SHISA9: variants seen among roughly 807,000 people sequenced by gnomAD.
SHISA9 encodes protein shisa-9.
In SHISA9, 13 loss-of-function variants were observed where a neutral mutation model predicts 38.0. The ratio of observed to expected loss-of-function variants is 0.34; its 90% CI spans 0.22 to 0.54. The LOEUF is 0.54. Among genes scored for constraint, SHISA9 ranks in the 20% least tolerant of loss-of-function variants. The pLI is 0.91. For synonymous variants in SHISA9, 275 were observed against 242.0 expected, an observed-to-expected ratio of 1.14 and a Z score of -1.27; for missense variants, 538 against 575.8, an observed-to-expected ratio of 0.93 and a Z score of 0.67.
chr16:12,961,805 C>G (rs757879996), intron 2 of SHISA9, among the ~76,000 whole-genome samples: 1 of 152,166 alleles, frequency 6.6e-6, no homozygotes. Context: ...GAGTTCCTTG[C>G]GACAAGTCAG....
intron 2 of SHISA9, among the ~76,000 whole-genome samples, chr16:13,200,014 C>T (rs984536383): frequency 3.9e-5 from 6 of 152,162 alleles, no homozygotes; most frequent in African/African-American, 1.4e-4. Context: ...CAGCTCTCAA[C>T]CAATGACTAA....
intron 4 of SHISA9, among the ~76,000 whole-genome samples, chr16:13,219,749 G>A (rs1287571355): frequency 2.6e-5 from 4 of 152,136 alleles, no homozygotes; most frequent in Non-Finnish European, 5.9e-5. Context: ...CTGAGGTCAG[G>A]AATTCAAGAC....
intron 2 of SHISA9, among the ~76,000 whole-genome samples, chr16:13,024,687 C>T (rs971405737): frequency 6.6e-6 from 1 of 152,208 alleles, no homozygotes; most frequent in Non-Finnish European, 1.5e-5. Context: ...TATTTCACTT[C>T]TCTGAGCCTC....
rs1328902475 is a variant in SHISA9, at chr16:13,203,387, C to T, written c.692-7C>T. The T allele has an allele frequency of 3.3e-6, 5 of 1,523,092 alleles. No individual in the cohort carries two copies. Among genetic ancestry groups the T allele is most frequent in the Non-Finnish European group, 4.4e-6 (5 of 1,135,362 alleles). 94.3% of individuals were successfully genotyped at this position (1,523,092 alleles called of 1,614,324 possible). ...GTGACAATCTCCTTCTGTGTCTTCA[C>T]TTCCAGATGCCACCCAGATGAACAA... On this transcript the variant is annotated splice_region_variant and splice_polypyrimidine_tract_variant and intron_variant, in intron 2 of 4. Coordinates refer to ENST00000558583, the MANE Select transcript of SHISA9 (RefSeq NM_001145204.3).
intron 2 of SHISA9, among the ~76,000 whole-genome samples, chr16:13,108,040 C>A (rs114232115): frequency 0.02 from 3,006 of 152,136 alleles, 50 homozygotes; most frequent in Admixed American, 0.047. Flanking sequence ...AGGTGGTGAT[C>A]AGAGCTGAGA....
intron 2 of SHISA9, among the ~76,000 whole-genome samples, chr16:12,931,796 T>C (rs1261390319): frequency 1.3e-5 from 2 of 152,180 alleles, no homozygotes; most frequent in African/African-American, 4.8e-5. Flanking sequence ...TCAGATGAAG[T>C]TGCCCATTTT....
At chr16:13,258,244 T>C in the SHISA9 span, 2 of 152,206 alleles carry the variant, frequency 1.3e-5, no homozygotes, top group Non-Finnish European at 2.9e-5. Context: ...TAGGGAGTCA[T>C]ACTGGTATAA....
At chr16:13,313,234 G>A in the SHISA9 span, among the ~76,000 whole-genome samples, 4 of 128,326 alleles carry the variant, frequency 3.1e-5, no homozygotes, top group East Asian at 2.2e-4. Context: ...CAGCCTGGGC[G>A]ACAGAGCGAG....
At chr16:13,060,478 A>G (rs1253818697) in intron 2 of SHISA9, among the ~76,000 whole-genome samples, 1 of 151,976 alleles carries the variant, frequency 6.6e-6, no homozygotes, top group East Asian at 1.9e-4. Flanking sequence ...GATGGTGAAG[A>G]CTGAAAACAG....
the SHISA9 span, among the ~76,000 whole-genome samples, chr16:13,514,738 T>C: frequency 6.6e-6 from 1 of 152,140 alleles, no homozygotes; most frequent in Non-Finnish European, 1.5e-5. Flanking sequence ...CCCCAGAGAA[T>C]GGGTAACAGA....
intron 1 of SHISA9, among the ~76,000 whole-genome samples, chr16:12,913,137 A>G (rs2141717256): frequency 6.6e-6 from 1 of 152,328 alleles, no homozygotes; most frequent in South Asian, 2.1e-4. Flanking sequence ...GTGCGATTCA[A>G]TGGTTTTTAA....
At position 12,920,800 on chromosome 16, in the gene SHISA9, T is replaced by G. The variant is rs145322742; in HGVS notation, c.691+3985T>G. Among the ~76,000 whole-genome samples, 476 of 152,370 alleles carry G rather than the reference T, an allele frequency of 3.1e-3. 2 individuals carry two copies. The highest frequency in any genetic ancestry group is 0.011 in the African/African-American group (454 of 41,594). On this transcript the variant is annotated intron_variant, in intron 2 of 4. Transcript: ENST00000558583. ...CTTTTAGCTAAACTGTAGACATGTTTGGATTTTGCTAGTTTCTTCACTAAT... is the reference window on the plus strand; with the variant it reads ...CTTTTAGCTAAACTGTAGACATGTTGGGATTTTGCTAGTTTCTTCACTAAT...
intron 2 of SHISA9, among the ~76,000 whole-genome samples, chr16:13,085,520 G>C (rs1024498472): frequency 7.9e-5 from 12 of 152,308 alleles, no homozygotes; most frequent in Non-Finnish European, 1.5e-4. Flanking sequence ...GTTTTATGAA[G>C]GGCTAGAAAA....
the SHISA9 span, among the ~76,000 whole-genome samples, chr16:13,500,953 A>C: frequency 1.3e-5 from 2 of 152,166 alleles, no homozygotes; most frequent in South Asian, 4.2e-4. Context: ...TGTTTTACCC[A>C]AGAATAAATT....
chr16:13,201,919 A>C (rs1317767756), intron 2 of SHISA9, among the ~76,000 whole-genome samples: 1 of 107,974 alleles, frequency 9.3e-6, no homozygotes, highest in Non-Finnish European at 1.9e-5. Context: ...TACTAGATAA[A>C]GGGGATCTTT....
chr16:13,528,837 TC>T, the SHISA9 span, among the ~76,000 whole-genome samples: 1 of 152,194 alleles, frequency 6.6e-6, no homozygotes, highest in African/African-American at 2.4e-5. Context: ...TGGTCACAGC[TC>T]CTTTCCATAC....
At chr16:13,383,670 A>G in the SHISA9 span, among the ~76,000 whole-genome samples, 1 of 152,112 alleles carries the variant, frequency 6.6e-6, no homozygotes, top group African/African-American at 2.4e-5. Context: ...ATTTATTTTG[A>G]GACAGAGTCT....
the SHISA9 span, among the ~76,000 whole-genome samples, chr16:13,474,884 G>T: frequency 6.6e-6 from 1 of 152,304 alleles, no homozygotes; most frequent in East Asian, 1.9e-4. Flanking sequence ...AAAAGGTCCT[G>T]TGTGTTTGGG....
chr16:13,425,128 G>T, the SHISA9 span, among the ~76,000 whole-genome samples: 2 of 152,306 alleles, frequency 1.3e-5, no homozygotes, highest in Admixed American at 1.3e-4. Context: ...ACATGTTCCC[G>T]CTTATAGGTG....
Sources: allele counts gnomAD v4.1 joint callset (sites outside exome capture counted in the v4.1 genomes callset), GRCh38; gene constraint gnomAD v4.1.1; transcripts MANE v1.5; gene names NCBI Gene and HGNC (gene_info 2026-07-23, HGNC 2026-07-21).